RAB5B: variants seen among roughly 807,000 people sequenced by gnomAD.
RAB5B encodes RAB5B, member RAS oncogene family, also known as ras-related protein Rab-5B.
A neutral mutation model predicts 28.6 loss-of-function variants in RAB5B; 11 were observed. That is an observed-to-expected ratio of 0.38 (90% CI 0.24 to 0.64). The LOEUF (loss-of-function observed/expected upper bound fraction) is 0.64. RAB5B is among the 30% of genes least tolerant of loss of function. The pLI is 0.53. For synonymous variants in RAB5B, 93 were observed against 97.9 expected (o/e 0.95, Z 0.29); for missense variants, 169 against 265.6 (o/e 0.64, Z 2.53).
intron 1 of RAB5B, 36 bp from the exon 2 acceptor site, chr12:55,986,833 C>T (rs898950344): frequency 1.2e-5 from 9 of 727,490 alleles, no homozygotes; most frequent in South Asian, 8.1e-5. Context: ...CTTCAATGGA[C>T]GTATGTTTAA....
In RAB5B at chr12:55,992,744, T is replaced by C. The variant is rs561256373; in HGVS notation, c.*532T>C. 8.9e-5 allele frequency: 27 copies of C among 302,372 alleles called. 2 individuals are homozygous for C. The highest frequency in any genetic ancestry group is 6.9e-4 in the South Asian group (25 of 36,324). 18.7% of individuals were successfully genotyped at this position (302,372 alleles called of 1,614,324 possible). A position where few individuals can be genotyped will look rare whatever the true frequency, so the allele number is the denominator to read the frequency against. On this transcript the variant is annotated 3_prime_UTR_variant, in exon 6 of 6. Transcript: ENST00000360299. The stretch of plus-strand genomic sequence containing the variant: ...AGAGCAGGAGGGAGTAAGGAAACAT[T>C]TCCTTTTTGTTTTTATTTGGTTGGA...
chr12:55,985,850 C>A, intron 1 of RAB5B: 1 of 345,034 alleles, frequency 2.9e-6, no homozygotes, highest in Non-Finnish European at 5.9e-6. Flanking sequence ...CTTACTGATT[C>A]TTGATAGACT....
chr12:55,996,242 T>G lies in RAB5B; in HGVS notation c.*4030T>G, dbSNP rs918967971. On this transcript the variant is annotated 3_prime_UTR_variant, in exon 6 of 6. Transcript: ENST00000360299. ...AAGGAAAGGAAATGATCTTTCAAAATTAAAGGTGAACACCTTCACTTAAAC... is the reference window on the plus strand; with the variant it reads ...AAGGAAAGGAAATGATCTTTCAAAAGTAAAGGTGAACACCTTCACTTAAAC... The G allele has an allele frequency of 6.6e-6, 1 of 151,764 alleles. No homozygotes were observed. The highest frequency in any genetic ancestry group is 1.5e-5 in the Non-Finnish European group (1 of 67,972). The allele number at this position is 151,764 out of a possible 1,614,324, so 9.4% of individuals were successfully genotyped here.
At chr12:55,977,329 T>G (rs557427521) in intron 1 of RAB5B, among the ~76,000 whole-genome samples, 1 of 152,208 alleles carries the variant, frequency 6.6e-6, no homozygotes, top group East Asian at 1.9e-4. Context: ...CCAACAGTTT[T>G]TTGCATCCTA....
intron 1 of RAB5B, among the ~76,000 whole-genome samples, chr12:55,980,013 G>A (rs551603384): frequency 6.6e-6 from 1 of 152,090 alleles, no homozygotes; most frequent in Non-Finnish European, 1.5e-5. Context: ...GAAAGACCAT[G>A]ACAAGTGACA....
At position 55,995,126 on chromosome 12, in the gene RAB5B, C is replaced by T. The variant is rs1438851222; in HGVS notation, c.*2914C>T. 2 of 151,506 alleles carry T rather than the reference C, an allele frequency of 1.3e-5. No individual in the cohort carries two copies. Among genetic ancestry groups the T allele is most frequent in the Non-Finnish European group, 2.9e-5 (2 of 67,948 alleles). The allele number at this position is 151,506 out of a possible 1,614,324, so 9.4% of individuals were successfully genotyped here. On this transcript the variant is annotated 3_prime_UTR_variant, in exon 6 of 6. Transcript: ENST00000360299. ...TTTTTTTTTAATTGAGACGGAGTCT[C>T]TGTCGCTAGCCTGGAGTACAGTGGC...
rs1009129351 is a variant in RAB5B at position 55,996,145 on chromosome 12, C to T, written c.*3933C>T. The T allele has an allele frequency of 2.6e-5, 4 of 151,566 alleles. No homozygotes were observed. The highest frequency in any genetic ancestry group is 2.0e-4 in the Admixed American group (3 of 15,206). The allele number at this position is 151,566 out of a possible 1,614,324, so 9.4% of individuals were successfully genotyped here. A position where few individuals can be genotyped will look rare whatever the true frequency, so the allele number is the denominator to read the frequency against. ...CAACTTTTCACTGTCGGTTCCCTTA[C>T]CTTATATCTCTTGGTAATACCCCCC... is the stretch of plus-strand genomic sequence containing the variant. On this transcript the variant is annotated 3_prime_UTR_variant, in exon 6 of 6. Transcript: ENST00000360299.
intron 1 of RAB5B, among the ~76,000 whole-genome samples, chr12:55,982,303 A>G (rs1889831661): frequency 6.6e-6 from 1 of 152,042 alleles, no homozygotes; most frequent in Non-Finnish European, 1.5e-5. Flanking sequence ...AAAATAAATA[A>G]TTGAATCTTA....
intron 1 of RAB5B, chr12:55,980,755 C>T: frequency 6.3e-7 from 1 of 1,580,278 alleles, no homozygotes; most frequent in East Asian, 2.2e-5. Context: ...CGAAAGATTT[C>T]TCATCCGTGA....
intron 1 of RAB5B, among the ~76,000 whole-genome samples, chr12:55,986,319 T>C (rs1889949700): frequency 6.6e-6 from 1 of 152,228 alleles, no homozygotes; most frequent in Non-Finnish European, 1.5e-5. Context: ...TGGTGGTGCA[T>C]GCCTGTAATC....
At chr12:55,976,914 GT>G (rs1295013831) in intron 1 of RAB5B, among the ~76,000 whole-genome samples, 1 of 152,116 alleles carries the variant, frequency 6.6e-6, no homozygotes, top group African/African-American at 2.4e-5. Context: ...GGAAACCTCG[GT>G]TTTTTCCCCC....
chr12:55,980,752 T>G, intron 1 of RAB5B: 1 of 1,580,366 alleles, frequency 6.3e-7, no homozygotes, highest in East Asian at 2.2e-5. Context: ...TCTCGAAAGA[T>G]TTCTCATCCG....
intron 3 of RAB5B, 36 bp from the exon 4 acceptor site, chr12:55,990,646 C>T (rs1270704725): frequency 6.2e-7 from 1 of 1,610,574 alleles, no homozygotes; most frequent in African/African-American, 1.3e-5. Flanking sequence ...GATTGGCAGT[C>T]ATTCCAGCCT....
intron 1 of RAB5B, among the ~76,000 whole-genome samples, chr12:55,979,628 G>C (rs1004044790): frequency 6.6e-6 from 1 of 152,210 alleles, no homozygotes; most frequent in Non-Finnish European, 1.5e-5. Context: ...TTTGGTCATA[G>C]ACCTTCTAGA....
chr12:55,978,375 G>T (rs1195897125), intron 1 of RAB5B, among the ~76,000 whole-genome samples: 1 of 152,004 alleles, frequency 6.6e-6, no homozygotes, highest in Non-Finnish European at 1.5e-5. Context: ...GGTGGTGGGC[G>T]CCTGTAGTCC....
chr12:55,989,676 A>G lies in RAB5B; in HGVS notation c.164-271A>G, dbSNP rs75580848. ...TTTGGTTAGAAGAAGGATGACTCGT[A>G]TAAGTGCCAGTTCTTCTGTCCCTCT... On this transcript the variant is annotated intron_variant, in intron 2 of 5. Transcript: ENST00000360299. Among the ~76,000 whole-genome samples, 30 of 152,334 alleles carry G rather than the reference A, an allele frequency of 2.0e-4. No individual in the cohort carries two copies. The East Asian group carries it at 4.2e-3, about 22-fold the overall frequency.
chr12:55,983,654 C>CTTTT (rs34363943), intron 1 of RAB5B, among the ~76,000 whole-genome samples: 1 of 121,690 alleles, frequency 8.2e-6, no homozygotes, highest in Non-Finnish European at 1.7e-5. Context: ...GTTATGTCTC[C>CTTTT]TTTTTTTTTT....
At chr12:55,987,832 CAAAAAA>C (rs111519905) in intron 2 of RAB5B, among the ~76,000 whole-genome samples, 1 of 116,360 alleles carries the variant, frequency 8.6e-6, no homozygotes, top group South Asian at 2.8e-4. Flanking sequence ...ACTCCATCTC[CAAAAAA>C]AAAAAAAAAT....
At position 55,995,958 on chromosome 12, in the gene RAB5B, ACTCT is replaced by A. The variant is rs1198083712; in HGVS notation, c.*3756_*3759del. ...CTTTCTCCCTCTCTCTCTCTCTCTC[ACTCT>A]CTCTCTCTCCATATATATATACATA... On this transcript the variant is annotated 3_prime_UTR_variant, in exon 6 of 6. Transcript: ENST00000360299. 2.4e-4 allele frequency: 17 copies of A among 70,766 alleles called. No homozygotes were observed. Among genetic ancestry groups the A allele is most frequent in the Non-Finnish European group, 4.5e-4 (16 of 35,802 alleles). 4.4% of individuals were successfully genotyped at this position (70,766 alleles called of 1,614,324 possible).
Sources: gnomAD v4.1 joint callset for allele counts (sites outside exome capture counted in the v4.1 genomes callset) on GRCh38, gnomAD v4.1.1 for gene constraint, MANE v1.5 for transcripts, NCBI Gene and HGNC (gene_info 2026-07-23, HGNC 2026-07-21) for gene names.